GKN1: variants seen among roughly 807,000 people sequenced by gnomAD.
GKN1 encodes gastrokine 1, also known as gastrokine-1.
GKN1 carries 17 observed loss-of-function variants against 19.7 expected under a neutral mutation model. That is an observed-to-expected ratio of 0.86 (90% confidence interval 0.59 to 1.29). The LOEUF is 1.29. Ranked by LOEUF, GKN1 falls within the 50% of genes most tolerant of loss-of-function variation. The pLI, the probability that GKN1 is intolerant of heterozygous loss-of-function variation, is 0.00. For missense variants in GKN1, 218 were observed against 224.5 expected (o/e 0.97, Z 0.19); for synonymous variants, 96 against 78.3 (o/e 1.23, Z -1.20).
At chr2:68,975,804 A>G (rs1670252260) in intron 1 of GKN1, among the ~76,000 whole-genome samples, 1 of 152,084 alleles carries the variant, frequency 6.6e-6, no homozygotes, top group African/African-American at 2.4e-5. Context: ...GTTCTCTAAA[A>G]TTTCTTCTAC....
intron 1 of GKN1, among the ~76,000 whole-genome samples, chr2:68,976,076 A>T (rs1219017334): frequency 6.6e-6 from 1 of 151,828 alleles, no homozygotes; most frequent in African/African-American, 2.4e-5. Flanking sequence ...TCTGCTGATC[A>T]CTCTTGCCAG....
At chr2:68,975,913 T>A (rs1670256803) in intron 1 of GKN1, among the ~76,000 whole-genome samples, 1 of 152,156 alleles carries the variant, frequency 6.6e-6, no homozygotes, top group Non-Finnish European at 1.5e-5. Flanking sequence ...CTAGAGCAGT[T>A]CTCAAAACTA....
chr2:68,974,719 A>G, intron 1 of GKN1, 30 bp downstream of exon 1: 1 of 1,360,048 alleles, frequency 7.4e-7, no homozygotes, highest in Non-Finnish European at 1.1e-6. Flanking sequence ...TGAATTTACC[A>G]CCAAATGATT....
intron 5 of GKN1, among the ~76,000 whole-genome samples, chr2:68,980,363 T>C (rs72893426): frequency 0.02 from 3,060 of 152,328 alleles, 85 homozygotes; most frequent in African/African-American, 0.068. Flanking sequence ...TTCTGTGCTC[T>C]TAAATATTAT....
rs773342887 is a variant in GKN1, at chr2:68,978,915, G to A, written c.249G>A (p.Val83=). The change falls in exon 4 of 6, where the codon GTG becomes GTA. Residue 83 remains valine (V), a synonymous_variant. Transcript: ENST00000377938. ...TCTTTCAAAAGAAGACATGCATTGT[G>A]CACAAAATGAACAAGGAAGTCATGC... ...TRLFQKKTCI[V]HKMNKEVMPS... 3.7e-6 allele frequency: 6 copies of A among 1,610,340 alleles called. No individual in the cohort carries two copies. The highest frequency in any genetic ancestry group is 1.1e-5 in the South Asian group (1 of 90,632).
In GKN1 at chr2:68,979,929, C is replaced by A. The variant is rs756277280; in HGVS notation, c.332C>A (p.Pro111Gln). Residue 111 changes from proline (P) to glutamine (Q), a missense_variant, in exon 5 of 6, where the codon CCA becomes CAA. Pro to Gln is a moderately conservative substitution (Grantham distance 76, BLOSUM62 -1). Coordinates refer to ENST00000377938, the MANE Select transcript of GKN1 (RefSeq NM_019617.4). ...CACACTCAGCTTCAGGGTAAGGGACCAGGAGGACCACCTCCCAAGGGCCTG... is the reference window on the plus strand; with the variant it reads ...CACACTCAGCTTCAGGGTAAGGGACAAGGAGGACCACCTCCCAAGGGCCTG... ...VKEKKLQGKG[P>Q]GGPPPKGLMY... 1 of 1,613,474 alleles carries A rather than the reference C, an allele frequency of 6.2e-7. No homozygotes were observed. Among genetic ancestry groups the A allele is most frequent in the Non-Finnish European group, 8.5e-7 (1 of 1,179,422 alleles).
chr2:68,979,071 A>T, intron 4 of GKN1, 90 bp downstream of exon 4: 2 of 696,522 alleles, frequency 2.9e-6, no homozygotes, highest in Non-Finnish European at 5.2e-6. Context: ...TTCCCTCTTG[A>T]CTACAGTATG....
chr2:68,974,713 T>C (rs762125248), intron 1 of GKN1, 24 bp downstream of exon 1: 5 of 1,433,884 alleles, frequency 3.5e-6, no homozygotes, highest in Non-Finnish European at 2.0e-6. Context: ...TCCTTTTGAA[T>C]TTACCACCAA....
At position 68,980,751 on chromosome 2, in the gene GKN1, A is replaced by G. The variant is rs766342923; in HGVS notation, c.486A>G (p.Ser162=). 1 of 1,585,396 alleles carries G rather than the reference A, an allele frequency of 6.3e-7. No individual in the cohort carries two copies. Among genetic ancestry groups the G allele is most frequent in the Non-Finnish European group, 8.7e-7 (1 of 1,153,892 alleles). Residue 162 remains serine (S), a synonymous_variant, in exon 6 of 6, where the codon TCA becomes TCG. Transcript: ENST00000377938. ...TAGAGGCAAGCCTGTTTTTTTACTCAGGAACGTGCTACACGACCAGTGTAC... is the reference window on the plus strand; with the variant it reads ...TAGAGGCAAGCCTGTTTTTTTACTCGGGAACGTGCTACACGACCAGTGTAC... ...EMQEASLFFY[S]GTCYTTSVLW...
Position 68,979,912 on chromosome 2 carries a change from G to C in GKN1, c.316-1G>C. 1 of 1,613,042 alleles carries C rather than the reference G, an allele frequency of 6.2e-7. No individual in the cohort carries two copies. The highest frequency in any genetic ancestry group is 8.5e-7 in the Non-Finnish European group (1 of 1,179,060). On this transcript the variant is annotated splice_acceptor_variant, in intron 4 of 5. Transcript: ENST00000377938. LOFTEE classifies it high-confidence loss of function. ...TTTCTACCTCTCTTTTCCACACTCA[G>C]CTTCAGGGTAAGGGACCAGGAGGAC...
intron 4 of GKN1, 65 bp downstream of exon 4, chr2:68,979,046 A>G (rs1670320682): frequency 3.9e-6 from 3 of 763,326 alleles, no homozygotes; most frequent in Non-Finnish European, 2.3e-6. Context: ...GTAAATAACG[A>G]GAAGATCACA....
At chr2:68,977,461 TG>T in intron 1 of GKN1, 33 bp from the exon 2 acceptor site, 1 of 1,465,972 alleles carries the variant, frequency 6.8e-7, no homozygotes. Flanking sequence ...CATTTTGCCA[TG>T]TAACAGGAGA....
chr2:68,977,111 G>A (rs1230800386), intron 1 of GKN1, among the ~76,000 whole-genome samples: 3 of 152,006 alleles, frequency 2.0e-5, no homozygotes, highest in East Asian at 1.9e-4. Flanking sequence ...ACTTTAAAAG[G>A]GATTTGATTC....
At chr2:68,978,445 T>C (rs62133356) in intron 3 of GKN1, among the ~76,000 whole-genome samples, 11 of 152,084 alleles carry the variant, frequency 7.2e-5, no homozygotes, top group Admixed American at 5.9e-4. Context: ...ATCAGCTATA[T>C]ATTTAACAAA....
rs756974241 is a variant in GKN1 at position 68,979,965 on chromosome 2, T to C, written c.368T>C (p.Val123Ala). ...GPPPKGLMYS[V>A]NPNKVDDLSK... ...CCTCCCAAGGGCCTGATGTACTCAG[T>C]CAACCCAAACAAAGTCGATGACCTG... Residue 123 changes from valine to alanine, a missense_variant, in exon 5 of 6, where the codon GTC becomes GCC. Physicochemically the swap from Val to Ala is moderately conservative, Grantham distance 64. Coordinates refer to ENST00000377938, the MANE Select transcript of GKN1 (RefSeq NM_019617.4). 6.2e-7 allele frequency: 1 copy of C among 1,613,506 alleles called. No homozygotes were observed. The highest frequency in any genetic ancestry group is 1.7e-5 in the Admixed American group (1 of 60,006).
At chr2:68,975,495 A>G (rs569695356) in intron 1 of GKN1, among the ~76,000 whole-genome samples, 1 of 152,266 alleles carries the variant, frequency 6.6e-6, no homozygotes, top group East Asian at 1.9e-4. Flanking sequence ...CGGGTTTCTC[A>G]CAACACGATG....
intron 3 of GKN1, 81 bp from the exon 4 acceptor site, chr2:68,978,790 T>C (rs750691896): frequency 8.4e-6 from 6 of 713,108 alleles, no homozygotes; most frequent in African/African-American, 3.6e-5. Context: ...TTCCCATTTC[T>C]CTCTGCAGGT....
intron 1 of GKN1, 21 bp downstream of exon 1, chr2:68,974,710 G>C (rs1670225797): frequency 6.8e-7 from 1 of 1,465,858 alleles, no homozygotes; most frequent in Non-Finnish European, 9.6e-7. Flanking sequence ...TTTTCCTTTT[G>C]AATTTACCAC....
At chr2:68,979,562 G>A (rs1670328068) in intron 4 of GKN1, among the ~76,000 whole-genome samples, 1 of 152,096 alleles carries the variant, frequency 6.6e-6, no homozygotes. Context: ...ACCTTTCATT[G>A]ACAAGGTAGA....
Sources: gnomAD v4.1 joint callset for allele counts (sites outside exome capture counted in the v4.1 genomes callset) on GRCh38, gnomAD v4.1.1 for gene constraint, MANE v1.5 for transcripts, NCBI Gene and HGNC (gene_info 2026-07-23, HGNC 2026-07-21) for gene names.